The following SIGLEC6 variants were observed in gnomAD, a reference collection of about 807,000 sequenced individuals.
The protein encoded by SIGLEC6 is sialic acid-binding Ig-like lectin 6.
In SIGLEC6, 31 loss-of-function variants were observed where a neutral mutation model predicts 41.4. The ratio of observed to expected loss-of-function variants is 0.75; its 90% confidence interval spans 0.56 to 1.01. The LOEUF (loss-of-function observed/expected upper bound fraction) is 1.01. SIGLEC6 is among the 50% of genes least tolerant of loss of function. SIGLEC6 has a pLI of 0.00. For synonymous variants in SIGLEC6, 217 were observed against 231.0 expected (o/e 0.94, Z 0.55); for missense variants, 555 against 558.6 (o/e 0.99, Z 0.06).
At chr19:51,529,000 T>C (rs1282276836) in intron 5 of SIGLEC6, among the ~76,000 whole-genome samples, 1 of 16,818 alleles carries the variant, frequency 5.9e-5, no homozygotes, top group African/African-American at 3.3e-4. Context: ...AGACCCTCTC[T>C]CAAAAAAAAA....
chr19:51,526,299 C>T (rs1979218946), intron 7 of SIGLEC6, among the ~76,000 whole-genome samples: 1 of 152,148 alleles, frequency 6.6e-6, no homozygotes, highest in African/African-American at 2.4e-5. Context: ...CCCACACTCT[C>T]AGAGCACTAG....
chr19:51,519,296 G>GAA lies in SIGLEC6; in HGVS notation c.*784_*785dup, dbSNP rs10651662. ...GGAGATACAGCAAGACTCCATCTCA[G>GAA]AAAAAAAAAAAAAAAAAAAAAGCTA... On this transcript the variant is annotated 3_prime_UTR_variant, in exon 8 of 8. Transcript: ENST00000425629. 5.1e-3 allele frequency among the ~76,000 whole-genome samples: 465 copies of GAA among 90,750 alleles called. 29 individuals carry two copies. Among genetic ancestry groups the GAA allele is most frequent in the Admixed American group, 0.014 (90 of 6,650 alleles). 59.5% of individuals were successfully genotyped at this position (90,750 alleles called of 152,430 possible).
chr19:51,531,038 C>A, intron 2 of SIGLEC6, 79 bp from the exon 3 acceptor site: 1 of 1,578,456 alleles, frequency 6.3e-7, no homozygotes, highest in Non-Finnish European at 8.5e-7. Context: ...TCTGGTCCAG[C>A]TCCTTCTCTG....
In SIGLEC6 at chr19:51,518,915, G is replaced by T. The variant is rs73559130; in HGVS notation, c.*1167C>A. ...GGAGTCGTGAAGAGTTCTGAACAGG[G>T]GGTGACACAGACACCTGGTGCTGTG... On this transcript the variant is annotated 3_prime_UTR_variant, in exon 8 of 8. Transcript: ENST00000425629. Among the ~76,000 whole-genome samples the T allele has an allele frequency of 6.6e-6, 1 of 152,108 alleles. No individual in the cohort carries two copies. The highest frequency in any genetic ancestry group is 1.5e-5 in the Non-Finnish European group (1 of 68,034).
chr19:51,529,829 C>G lies in SIGLEC6; in HGVS notation c.907G>C (p.Val303Leu). 6.2e-7 allele frequency: 1 copy of G among 1,614,148 alleles called. No homozygotes were observed. Among genetic ancestry groups the G allele is most frequent in the Non-Finnish European group, 8.5e-7 (1 of 1,180,020 alleles). ...LNATPISNTG[V>L]LELPQVGSAE... ...GACCCTACTTGAGGCAGCTCCAGGACCCCGGTATTGGAGATGGGGGTGGCG... is the reference window on the plus strand; with the variant it reads ...GACCCTACTTGAGGCAGCTCCAGGAGCCCGGTATTGGAGATGGGGGTGGCG... The change falls in exon 5 of 8, where the codon GTC (valine) becomes CTC (leucine). Residue 303 changes from valine to leucine, a missense_variant. Physicochemically the swap from Val to Leu is conservative, Grantham distance 32. Coordinates refer to ENST00000425629, the MANE Select transcript of SIGLEC6 (RefSeq NM_001245.7).
At position 51,518,055 on chromosome 19, in the gene SIGLEC6, T is replaced by C. The variant is rs543562242; in HGVS notation, c.*2027A>G. Reference sequence around the variant, plus strand: ...TTCCTAGGTTTTCATTTTTTTTGGATCTCAAAAATCTAATCTGGGATCACT... The same window carrying C: ...TTCCTAGGTTTTCATTTTTTTTGGACCTCAAAAATCTAATCTGGGATCACT... On this transcript the variant is annotated 3_prime_UTR_variant, in exon 8 of 8. Transcript: ENST00000425629. Among the ~76,000 whole-genome samples, 5 of 152,312 alleles carry C rather than the reference T, an allele frequency of 3.3e-5. No individual in the cohort carries two copies. Among genetic ancestry groups the C allele is most frequent in the African/African-American group, 1.2e-4 (5 of 41,580 alleles).
chr19:51,528,127 G>A (rs375559846), intron 6 of SIGLEC6, 33 bp downstream of exon 6: 3 of 1,584,214 alleles, frequency 1.9e-6, no homozygotes, highest in Non-Finnish European at 2.6e-6. Context: ...CCCACATGAA[G>A]TCTTTCTGTG....
chr19:51,520,410 G>A, intron 7 of SIGLEC6, 155 bp from the exon 8 acceptor site: 1 of 407,854 alleles, frequency 2.5e-6, no homozygotes, highest in East Asian at 4.3e-5. Context: ...TTATTTTTGA[G>A]ATGGGGTCTC....
At chr19:51,527,953 C>T in intron 6 of SIGLEC6, 125 bp from the exon 7 acceptor site, 1 of 1,029,058 alleles carries the variant, frequency 9.7e-7, no homozygotes, top group Non-Finnish European at 1.5e-6. Context: ...CTCACATGAG[C>T]CCAAGAGTTG....
In SIGLEC6 at chr19:51,518,342, T is replaced by C. The variant is rs184222291; in HGVS notation, c.*1740A>G. ...GTGGTTTTTTGCTTGTTTGTTTGTT[T>C]TGTTTTGCTTTTTCTGAGTTGGAGT... is the stretch of plus-strand genomic sequence containing the variant. On this transcript the variant is annotated 3_prime_UTR_variant, in exon 8 of 8. Transcript: ENST00000425629. 8.7e-4 allele frequency among the ~76,000 whole-genome samples: 132 copies of C among 152,282 alleles called. No individual in the cohort carries two copies. The highest frequency in any genetic ancestry group is 1.6e-3 in the Non-Finnish European group (108 of 68,020).
chr19:51,530,625 C>A, intron 3 of SIGLEC6, 56 bp downstream of exon 3: 2 of 1,610,852 alleles, frequency 1.2e-6, no homozygotes, highest in Non-Finnish European at 1.7e-6. Flanking sequence ...TCTGGCTCAG[C>A]CCTGCCCTGT....
In SIGLEC6 at chr19:51,519,015, G is replaced by T. The variant is rs556441140; in HGVS notation, c.*1067C>A. ...CCGTCTGTTAAAACAGCTAATCAAA[G>T]CCGGGTGCGGTGGCTCATGCCTGTA... is the stretch of plus-strand genomic sequence containing the variant. On this transcript the variant is annotated 3_prime_UTR_variant, in exon 8 of 8. Coordinates refer to ENST00000425629, the MANE Select transcript of SIGLEC6 (RefSeq NM_001245.7). Among the ~76,000 whole-genome samples the T allele has an allele frequency of 6.6e-6, 1 of 152,270 alleles. No individual in the cohort carries two copies. Among genetic ancestry groups the T allele is most frequent in the East Asian group, 1.9e-4 (1 of 5,178 alleles).
chr19:51,531,064 A>G, intron 2 of SIGLEC6, 96 bp downstream of exon 2: 1 of 1,563,168 alleles, frequency 6.4e-7, no homozygotes, highest in South Asian at 1.2e-5. Context: ...AACATGCTTA[A>G]TTGTACCCGC....
At chr19:51,525,866 C>G (rs555154035) in intron 7 of SIGLEC6, among the ~76,000 whole-genome samples, 2 of 152,200 alleles carry the variant, frequency 1.3e-5, no homozygotes, top group Non-Finnish European at 2.9e-5. Context: ...CTGGCAGCCC[C>G]TCTGCCATTG....
chr19:51,529,740 CAG>C lies in SIGLEC6; in HGVS notation c.994_995del (p.Leu332GlufsTer23), dbSNP rs1568554070. On this transcript the variant is annotated frameshift_variant, in exon 5 of 8. Transcript: ENST00000425629. LOFTEE classifies it high-confidence loss of function. The part of the protein sequence containing the change: ...QHPLGSLQIS[L>X]SLFVHWKPEG... Reference sequence around the variant, plus strand: ...CACACTCACAATGCACAAAGAGACTCAGAGAGATTTGCAGGGAGCCCAGAGGA... The same window carrying C: ...CACACTCACAATGCACAAAGAGACTCAGAGATTTGCAGGGAGCCCAGAGGA... 2 of 1,614,140 alleles carry C rather than the reference CAG, an allele frequency of 1.2e-6. No individual in the cohort carries two copies.
chr19:51,523,006 G>A (rs1353668201), intron 7 of SIGLEC6, among the ~76,000 whole-genome samples: 2 of 152,162 alleles, frequency 1.3e-5, no homozygotes, highest in Non-Finnish European at 2.9e-5. Flanking sequence ...CAGGCGCAGT[G>A]GTGCATGCCT....
rs1265732527 is a variant in SIGLEC6, at chr19:51,531,387, C to T, written c.200G>A (p.Trp67Ter). The change falls in exon 2 of 8, where the codon TGG becomes TAG. Residue 67 changes from tryptophan (W) to a stop codon, truncating the protein, a stop_gained. Transcript: ENST00000425629. LOFTEE classifies it high-confidence loss of function. ...TGGAACATCAGCCCCTTCCAGGAAC[C>T]AGTAGCCATAACCATAGTACGAGGC... The part of the protein sequence containing the change: ...LPASYYGYGY[W>*]FLEGADVPVA... 21 of 1,614,034 alleles carry T rather than the reference C, an allele frequency of 1.3e-5. No homozygotes were observed. Among genetic ancestry groups the T allele is most frequent in the Non-Finnish European group, 1.8e-5 (21 of 1,180,030 alleles).
chr19:51,523,740 G>T (rs1433624087), intron 7 of SIGLEC6, among the ~76,000 whole-genome samples: 1 of 152,220 alleles, frequency 6.6e-6, no homozygotes, highest in Non-Finnish European at 1.5e-5. Context: ...GTAAGGGTCC[G>T]CTGGGCACAG....
At chr19:51,523,698 C>T (rs1978687468) in intron 7 of SIGLEC6, among the ~76,000 whole-genome samples, 2 of 152,258 alleles carry the variant, frequency 1.3e-5, no homozygotes, top group South Asian at 2.1e-4. Context: ...TCAAACCTTC[C>T]GTTAGGACTC....
Sources: allele counts gnomAD v4.1 joint callset (sites outside exome capture counted in the v4.1 genomes callset), GRCh38; gene constraint gnomAD v4.1.1; transcripts MANE v1.5; gene names NCBI Gene and HGNC (gene_info 2026-07-23, HGNC 2026-07-21).